Variants in TRPV4 observed in about 807,000 individuals in gnomAD.
The protein encoded by TRPV4 is OSM9-like transient receptor potential channel 4.
TRPV4 carries 58 observed loss-of-function variants against 84.1 expected under a neutral mutation model. The ratio of observed to expected loss-of-function variants is 0.69; its 90% CI spans 0.56 to 0.86. The LOEUF is 0.86. Ranked by LOEUF, TRPV4 falls within the 40% of genes least tolerant of loss-of-function variation. TRPV4 has a pLI of 0.00. For synonymous variants in TRPV4, 489 were observed against 500.9 expected, an observed-to-expected ratio of 0.98 and a Z score of 0.32; for missense variants, 879 against 1,181.1, an observed-to-expected ratio of 0.74 and a Z score of 3.75.
Position 109,814,760 on chromosome 12 carries a change from C to T in TRPV4, c.37G>A (p.Gly13Arg), listed in dbSNP as rs763302555. ...DSSEGPRAGP[G>R]EVAELPGDES... The stretch of plus-strand genomic sequence containing the variant: ...TCCCCGGGGAGCTCAGCCACCTCCC[C>T]GGGCCCCGCGCGGGGGCCTTCGCTG... Residue 13 changes from glycine to arginine, a missense_variant, in exon 2 of 16, where the codon GGG becomes AGG. Physicochemically the swap from Gly to Arg is moderately radical, Grantham distance 125. This residue lies in a region of TRPV4 where 107 missense variants were observed against 99.4 expected (regional missense o/e 1.08). Transcript: ENST00000261740. The surrounding 1 kb of genome is among the most constrained non-coding windows in gnomAD (Gnocchi z 5.4). The T allele has an allele frequency of 3.2e-5, 50 of 1,563,530 alleles. No homozygotes were observed. In the Middle Eastern group the frequency reaches 5.2e-4, roughly 16 times the overall value.
intron 2 of TRPV4, among the ~76,000 whole-genome samples, chr12:109,813,128 G>A (rs992112672): frequency 9.2e-5 from 14 of 152,170 alleles, no homozygotes; most frequent in African/African-American, 2.9e-4. Flanking sequence ...AAAAAAAGAT[G>A]AGGCGGGATG....
rs1314384265 is a variant in TRPV4 at position 109,796,293 on chromosome 12, C to T, written c.1332+232G>A. Among the ~76,000 whole-genome samples, 2 of 152,206 alleles carry T rather than the reference C, an allele frequency of 1.3e-5. No homozygotes were observed. The highest frequency in any genetic ancestry group is 1.3e-4 in the Admixed American group (2 of 15,280). On this transcript the variant is annotated intron_variant, in intron 7 of 15. Transcript: ENST00000261740. This position sits in a 1 kb window ranked among gnomAD's most constrained non-coding sequence, Gnocchi z 4.2. ...AAGTTACAGAGCCAGGATCCCAACC[C>T]AGTCCTACCTGCCCCAAAAGTCCAT...
chr12:109,786,886 C>A lies in TRPV4; in HGVS notation c.2209-49G>T. 6 of 1,610,398 alleles carry A rather than the reference C, an allele frequency of 3.7e-6. No individual in the cohort carries two copies. The highest frequency in any genetic ancestry group is 5.1e-6 in the Non-Finnish European group (6 of 1,178,226). On this transcript the variant is annotated intron_variant, in intron 13 of 15. Transcript: ENST00000261740. This position sits in a 1 kb window ranked among gnomAD's most constrained non-coding sequence, Gnocchi z 4.5. ...GGACATCGGTGAGCCTCACAGCCTG[C>A]GCCTGCCGCTCTGGTGGCAGAAATG...
Position 109,798,562 on chromosome 12 carries a change from T to C in TRPV4, c.1152+52A>G, listed in dbSNP as rs1195780911. 14 of 1,594,976 alleles carry C rather than the reference T, an allele frequency of 8.8e-6. No homozygotes were observed. In the Admixed American group the frequency reaches 1.0e-4, roughly 11 times the overall value. ...CCAGCAGCAGACCCTCGTGTGTGTG[T>C]GCAGAGGGGTACGAGTAGGTGGATC... On this transcript the variant is annotated intron_variant, in intron 6 of 15. Transcript: ENST00000261740. The surrounding 1 kb of genome is among the most constrained non-coding windows in gnomAD (Gnocchi z 5.0).
In TRPV4 at chr12:109,792,274, C is replaced by T. The variant is rs1890091967; in HGVS notation, c.1891+89G>A. 20 of 839,894 alleles carry T rather than the reference C, an allele frequency of 2.4e-5. No individual in the cohort carries two copies. The South Asian group carries it at 2.7e-4, about 11-fold the overall frequency. The allele number at this position is 839,894 out of a possible 1,614,324, so 52.0% of individuals were successfully genotyped here. A position where few individuals can be genotyped will look rare whatever the true frequency, so the allele number is the denominator to read the frequency against. Reference sequence around the variant, plus strand: ...AAAAAAAAAAAAAAAAAGAACTCAGCAAGGCTGCTATTGTCCCCTATACAT... The same window carrying T: ...AAAAAAAAAAAAAAAAAGAACTCAGTAAGGCTGCTATTGTCCCCTATACAT... On this transcript the variant is annotated intron_variant, in intron 12 of 15. Transcript: ENST00000261740.
Position 109,788,823 on chromosome 12 carries a change from A to G in TRPV4, c.1892-107T>C, listed in dbSNP as rs572802955. ...GAGAAAGCTGAGGCCTAGTGAGCGG[A>G]GCACGCTGGCCCACACGCTGACCCA... On this transcript the variant is annotated intron_variant, in intron 12 of 15. Transcript: ENST00000261740. 2.3e-6 allele frequency: 3 copies of G among 1,323,682 alleles called. 1 individual carries two copies. The highest frequency in any genetic ancestry group is 2.9e-5 in the African/African-American group (2 of 69,402). 82.0% of individuals were successfully genotyped at this position (1,323,682 alleles called of 1,614,324 possible).
chr12:109,830,197 C>T (rs1892375091), intron 1 of TRPV4, among the ~76,000 whole-genome samples: 2 of 151,626 alleles, frequency 1.3e-5, no homozygotes, highest in Admixed American at 1.3e-4. Context: ...CAAATGGGGA[C>T]GGGCCACCTT....
At position 109,783,819 on chromosome 12, in the gene TRPV4, GGA is replaced by G. The variant is rs377560267; in HGVS notation, c.2459-43_2459-42del. The G allele has an allele frequency of 3.1e-6, 5 of 1,606,240 alleles. No homozygotes were observed. The highest frequency in any genetic ancestry group is 2.7e-5 in the African/African-American group (2 of 74,918). ...ATCAGAGGGAGGGGTGGGGGTTGGTGGAGAGAGAGCGTGCGTATATTGAGTGC... is the reference window on the plus strand; with the variant it reads ...ATCAGAGGGAGGGGTGGGGGTTGGTGGAGAGAGCGTGCGTATATTGAGTGC... On this transcript the variant is annotated intron_variant, in intron 15 of 15. Transcript: ENST00000261740. This position sits in a 1 kb window ranked among gnomAD's most constrained non-coding sequence, Gnocchi z 4.6.
intron 13 of TRPV4, 128 bp downstream of exon 13, chr12:109,788,270 CAG>C: frequency 1.1e-6 from 1 of 921,690 alleles, no homozygotes; most frequent in African/African-American, 1.6e-5. Flanking sequence ...ATTTTACCGA[CAG>C]AGAAGTGGAG....
intron 12 of TRPV4, among the ~76,000 whole-genome samples, chr12:109,789,027 G>T (rs1259327387): frequency 6.6e-6 from 1 of 152,122 alleles, no homozygotes; most frequent in Non-Finnish European, 1.5e-5. Flanking sequence ...CTACTCACAG[G>T]CTCAATCCCA....
In TRPV4 at chr12:109,796,815, G is replaced by A; in HGVS notation, c.1153-111C>T. ...GAAAACAGCTAAGCACCGGCTGCTGGAGGACCCTTTCCTCATCTTGTTTAA... is the reference window on the plus strand; with the variant it reads ...GAAAACAGCTAAGCACCGGCTGCTGAAGGACCCTTTCCTCATCTTGTTTAA... On this transcript the variant is annotated intron_variant, in intron 6 of 15. Coordinates refer to ENST00000261740, the MANE Select transcript of TRPV4 (RefSeq NM_021625.5). This position sits in a 1 kb window ranked among gnomAD's most constrained non-coding sequence, Gnocchi z 4.2. 2 of 1,097,336 alleles carry A rather than the reference G, an allele frequency of 1.8e-6. No homozygotes were observed. Among genetic ancestry groups the A allele is most frequent in the Non-Finnish European group, 2.6e-6 (2 of 781,734 alleles). The allele number at this position is 1,097,336 out of a possible 1,614,324, so 68.0% of individuals were successfully genotyped here.
In TRPV4 at chr12:109,808,236, T is replaced by C; in HGVS notation, c.559+60A>G. On this transcript the variant is annotated intron_variant, in intron 3 of 15. Transcript: ENST00000261740. Reference sequence around the variant, plus strand: ...AGCTGAGGGGAAAGGGGGCCCCCAATGCCAGGCTTCCCCCACACCCCTGGC... The same window carrying C: ...AGCTGAGGGGAAAGGGGGCCCCCAACGCCAGGCTTCCCCCACACCCCTGGC... The C allele has an allele frequency of 1.9e-6, 3 of 1,597,654 alleles. No homozygotes were observed. In the South Asian group the frequency reaches 3.4e-5, roughly 18 times the overall value.
chr12:109,819,371 C>A (rs934000125), intron 1 of TRPV4, among the ~76,000 whole-genome samples: 6 of 152,128 alleles, frequency 3.9e-5, no homozygotes, highest in African/African-American at 1.2e-4. Context: ...TGTGTGTGTG[C>A]CCACTGTGAG....
chr12:109,799,912 C>T (rs544555035), intron 5 of TRPV4, among the ~76,000 whole-genome samples: 2 of 148,384 alleles, frequency 1.3e-5, no homozygotes, highest in Non-Finnish European at 3.0e-5. Context: ...AAGCACATGC[C>T]ACCATGCCAT....
Position 109,784,337 on chromosome 12 carries a change from T to C in TRPV4, c.2437A>G (p.Thr813Ala). ...TCACCCCTGCGGAGGCGGCCCACGG[T>C]ATGCGAGAAGCCATAATACTGGTAG... ...ETYQYYGFSHTVGRLRRDRWS... is the reference protein window; with the variant it reads ...ETYQYYGFSHAVGRLRRDRWS... The change falls in exon 15 of 16, where the codon ACC becomes GCC. Residue 813 changes from threonine (T) to alanine (A), a missense_variant. Physicochemically the swap from Thr to Ala is moderately conservative, Grantham distance 58 (BLOSUM62 0). This residue lies in a region of TRPV4 where 242 missense variants were observed against 355.3 expected (regional missense o/e 0.68). Coordinates refer to ENST00000261740, the MANE Select transcript of TRPV4 (RefSeq NM_021625.5). 2.5e-6 allele frequency: 4 copies of C among 1,614,150 alleles called. No homozygotes were observed. Among genetic ancestry groups the C allele is most frequent in the South Asian group, 2.2e-5 (2 of 91,080 alleles).
intron 1 of TRPV4, among the ~76,000 whole-genome samples, chr12:109,831,786 A>G (rs1015344576): frequency 3.3e-5 from 5 of 152,184 alleles, no homozygotes; most frequent in Admixed American, 6.5e-5. Context: ...GGTTACCTCC[A>G]TTTCAAAACA....
chr12:109,801,822 C>G (rs1474940825), intron 4 of TRPV4, among the ~76,000 whole-genome samples: 1 of 152,038 alleles, frequency 6.6e-6, no homozygotes, highest in Non-Finnish European at 1.5e-5. Context: ...AGAGCAAGAC[C>G]TTGTCTCAAA....
rs774556290 is a variant in TRPV4, at chr12:109,784,443, A to G, written c.2337-6T>C. ...ACCAGTTCACCTCATCCACCCTGGCAGGGCCCAAGCAGAGGGTCATGGGGA... is the reference window on the plus strand; with the variant it reads ...ACCAGTTCACCTCATCCACCCTGGCGGGGCCCAAGCAGAGGGTCATGGGGA... On this transcript the variant is annotated splice_region_variant and splice_polypyrimidine_tract_variant and intron_variant, in intron 14 of 15. Transcript: ENST00000261740. The G allele has an allele frequency of 1.9e-6, 3 of 1,614,100 alleles. No individual in the cohort carries two copies. The highest frequency in any genetic ancestry group is 3.3e-5 in the Admixed American group (2 of 60,010).
intron 1 of TRPV4, among the ~76,000 whole-genome samples, chr12:109,828,223 C>A (rs1394036651): frequency 6.6e-6 from 1 of 152,206 alleles, no homozygotes; most frequent in Non-Finnish European, 1.5e-5. Context: ...TGGAGACCGG[C>A]AAGGGCTTCC....
Sources: allele counts gnomAD v4.1 joint callset (sites outside exome capture counted in the v4.1 genomes callset), GRCh38; gene constraint gnomAD v4.1.1; regional missense constraint gnomAD v4.1.1; non-coding constraint Gnocchi (gnomAD v3.1); transcripts MANE v1.5; gene names NCBI Gene and HGNC (gene_info 2026-07-23, HGNC 2026-07-21).